Variants in LRRC69 observed in about 807,000 individuals in gnomAD.
LRRC69 encodes leucine-rich repeat-containing protein 69.
Under a neutral mutation model 37.8 loss-of-function variants are expected in LRRC69, and 42 were observed. The ratio of observed to expected loss-of-function variants is 1.11; its 90% CI spans 0.87 to 1.44. LRRC69 has a LOEUF of 1.44. Ranked by LOEUF, LRRC69 falls within the 40% of genes most tolerant of loss-of-function variation. LRRC69 has a pLI of 0.00. For synonymous variants in LRRC69, 141 were observed against 143.1 expected, an observed-to-expected ratio of 0.99 and a Z score of 0.11; for missense variants, 357 against 401.9, an observed-to-expected ratio of 0.89 and a Z score of 0.96.
chr8:91,208,142 A>G (rs1809838500), intron 7 of LRRC69, among the ~76,000 whole-genome samples: 1 of 152,132 alleles, frequency 6.6e-6, no homozygotes, highest in Admixed American at 6.6e-5. Context: ...CCCTATCTCC[A>G]AATACAGTGA....
chr8:91,176,808 C>T (rs73697130), intron 5 of LRRC69, among the ~76,000 whole-genome samples: 2,940 of 152,226 alleles, frequency 0.019, 84 homozygotes, highest in African/African-American at 0.067. Context: ...ATGGGGAGGG[C>T]AATCTGCTTC....
intron 5 of LRRC69, among the ~76,000 whole-genome samples, chr8:91,189,308 C>G (rs887794386): frequency 1.3e-5 from 2 of 152,152 alleles, no homozygotes; most frequent in African/African-American, 4.8e-5. Context: ...CATGGCCATT[C>G]ATGCCACCAT....
chr8:91,206,769 T>C, intron 7 of LRRC69: 2 of 1,289,782 alleles, frequency 1.6e-6, no homozygotes, highest in Non-Finnish European at 1.0e-6. Context: ...CTGCTAAATA[T>C]GTCACCTGGA....
intron 5 of LRRC69, among the ~76,000 whole-genome samples, chr8:91,171,878 T>C (rs1251513408): frequency 1.3e-5 from 2 of 152,000 alleles, no homozygotes; most frequent in Non-Finnish European, 2.9e-5. Flanking sequence ...TATTGGCTTA[T>C]TTCTTTACTA....
At chr8:91,115,879 A>T (rs1586226246) in intron 1 of LRRC69, among the ~76,000 whole-genome samples, 1 of 151,760 alleles carries the variant, frequency 6.6e-6, no homozygotes, top group South Asian at 2.1e-4. Context: ...CCTGTGGTTG[A>T]CCCTGCACAT....
At chr8:91,157,266 T>C in intron 5 of LRRC69, 1 of 1,545,666 alleles carries the variant, frequency 6.5e-7, no homozygotes, top group Non-Finnish European at 8.9e-7. Context: ...ACCTCTCTAA[T>C]GTGACCTTTC....
chr8:91,197,002 A>G (rs1196311417), intron 6 of LRRC69, among the ~76,000 whole-genome samples: 1 of 150,972 alleles, frequency 6.6e-6, no homozygotes, highest in Non-Finnish European at 1.5e-5. Context: ...GATGATGGTG[A>G]TGTACAGATG....
intron 1 of LRRC69, among the ~76,000 whole-genome samples, chr8:91,115,514 C>T (rs1813496001): frequency 6.6e-6 from 1 of 151,860 alleles, no homozygotes; most frequent in East Asian, 1.9e-4. Flanking sequence ...AATACTGTGT[C>T]TATTAGTCAT....
At chr8:91,143,713 A>G (rs1332473030) in intron 5 of LRRC69, among the ~76,000 whole-genome samples, 2 of 151,964 alleles carry the variant, frequency 1.3e-5, no homozygotes, top group African/African-American at 4.8e-5. Context: ...TCCTTCAAGA[A>G]TTCTTTAGAG....
rs1808860793 is a variant in LRRC69 at position 91,157,673 on chromosome 8, C to T, written c.651+21934C>T. The T allele has an allele frequency of 6.3e-6, 10 of 1,590,586 alleles. No individual in the cohort carries two copies. In the Admixed American group the frequency reaches 1.7e-4, roughly 27 times the overall value. ...ACTTTTAATGTTGAATGCCTTACAG[C>T]TAGCTGATCATTACACAGGCGGCAT... On this transcript the variant is annotated intron_variant, in intron 5 of 7. Transcript: ENST00000448384.
intron 7 of LRRC69, among the ~76,000 whole-genome samples, chr8:91,202,220 A>G (rs1468324515): frequency 6.6e-6 from 1 of 151,308 alleles, no homozygotes; most frequent in Non-Finnish European, 1.5e-5. Context: ...AAAAACAAAA[A>G]CAAAAACAAA....
At chr8:91,148,498 T>C (rs1222957427) in intron 5 of LRRC69, among the ~76,000 whole-genome samples, 1 of 152,048 alleles carries the variant, frequency 6.6e-6, no homozygotes, top group African/African-American at 2.4e-5. Flanking sequence ...GACATTTGGC[T>C]TGGTTCCAAG....
chr8:91,154,889 G>A (rs1472636107), intron 5 of LRRC69, among the ~76,000 whole-genome samples: 3 of 151,512 alleles, frequency 2.0e-5, no homozygotes, highest in African/African-American at 7.3e-5. Context: ...TCAGGTAAGA[G>A]AAAGAAATAA....
Position 91,175,297 on chromosome 8 carries a change from G to A in LRRC69, c.652-14225G>A, listed in dbSNP as rs367898179. Among the ~76,000 whole-genome samples the A allele has an allele frequency of 1.4e-3, 216 of 152,164 alleles. 3 individuals are homozygous for A. In the South Asian group the frequency reaches 0.017, roughly 12 times the overall value. On this transcript the variant is annotated intron_variant, in intron 5 of 7. Transcript: ENST00000448384. ...AATCCTCAGCTGCATGAACATTTAA[G>A]TCATCATACCTGTTACACTTAAATG...
chr8:91,134,120 G>T (rs1813861737), intron 4 of LRRC69, among the ~76,000 whole-genome samples: 1 of 150,860 alleles, frequency 6.6e-6, no homozygotes, highest in Non-Finnish European at 1.5e-5. Context: ...TTGTCCTCTG[G>T]TTTCCTCTTG....
At chr8:91,183,263 C>T (rs754498463) in intron 5 of LRRC69, among the ~76,000 whole-genome samples, 1 of 152,130 alleles carries the variant, frequency 6.6e-6, no homozygotes, top group Non-Finnish European at 1.5e-5. Flanking sequence ...GAATGACAGA[C>T]ATACTGGAGG....
chr8:91,108,658 C>T (rs536736802), intron 1 of LRRC69, among the ~76,000 whole-genome samples: 9 of 152,064 alleles, frequency 5.9e-5, no homozygotes, highest in Admixed American at 2.0e-4. Flanking sequence ...CCACATGCGG[C>T]CCAGGACGGC....
At position 91,161,053 on chromosome 8, in the gene LRRC69, A is replaced by G. The variant is rs573841625; in HGVS notation, c.651+25314A>G. ...GTTTTCTGCCTCTATTGGGATGATC[A>G]TATGATTTCTACCCTTCATTCTGTT... On this transcript the variant is annotated intron_variant, in intron 5 of 7. Coordinates refer to ENST00000448384, the Ensembl canonical transcript of LRRC69. Among the ~76,000 whole-genome samples, 99 of 151,460 alleles carry G rather than the reference A, an allele frequency of 6.5e-4. 1 individual carries two copies. The highest frequency in any genetic ancestry group is 2.3e-3 in the African/African-American group (97 of 41,486).
chr8:91,147,328 A>G (rs999469354), intron 5 of LRRC69, among the ~76,000 whole-genome samples: 5 of 149,092 alleles, frequency 3.4e-5, no homozygotes, highest in African/African-American at 4.9e-5. Flanking sequence ...TTTACATGAT[A>G]TATCTATTTT....
Sources: gnomAD v4.1 joint callset for allele counts (sites outside exome capture counted in the v4.1 genomes callset) on GRCh38, gnomAD v4.1.1 for gene constraint, MANE v1.5 for transcripts, NCBI Gene and HGNC (gene_info 2026-07-23, HGNC 2026-07-21) for gene names.